DLG2: variants seen among roughly 807,000 people sequenced by gnomAD.
DLG2 encodes discs large MAGUK scaffold protein 2.
DLG2 carries 45 observed loss-of-function variants against 132.5 expected under a neutral mutation model. The observed-to-expected ratio is 0.34, with a 90% CI of 0.27 to 0.44. DLG2 has a LOEUF of 0.44. DLG2 is among the 20% of genes least tolerant of loss of function. The probability of loss-of-function intolerance (pLI) is 1.00; values close to 1 mark genes in which losing one functional copy is unlikely to be tolerated. For missense variants in DLG2, 1,045 were observed against 1,196.9 expected, an observed-to-expected ratio of 0.87 and a Z score of 1.87; for synonymous variants, 424 against 419.6, an observed-to-expected ratio of 1.01 and a Z score of -0.13.
intron 6 of DLG2, among the ~76,000 whole-genome samples, chr11:85,061,699 G>A (rs535708018): frequency 9.2e-5 from 14 of 151,898 alleles, no homozygotes; most frequent in South Asian, 6.2e-4. Context: ...AATTGTGAAC[G>A]ACAAATTCCA....
At chr11:85,138,729 T>G (rs2076276498) in intron 5 of DLG2, among the ~76,000 whole-genome samples, 1 of 150,622 alleles carries the variant, frequency 6.6e-6, no homozygotes, top group Non-Finnish European at 1.5e-5. Flanking sequence ...ATGCTTTTGC[T>G]TCTTCCTCAT....
intron 7 of DLG2, among the ~76,000 whole-genome samples, chr11:84,508,400 CTTTT>C (rs371285075): frequency 7.1e-6 from 1 of 141,086 alleles, no homozygotes; most frequent in Non-Finnish European, 1.5e-5. Context: ...CTTTCTTTAC[CTTTT>C]TTTTTTTTTT....
chr11:85,103,661 G>A (rs185268299), intron 6 of DLG2, among the ~76,000 whole-genome samples: 98 of 151,944 alleles, frequency 6.4e-4, no homozygotes, highest in African/African-American at 2.3e-3. Context: ...GTGACCTTGG[G>A]TTATGCCAAG....
intron 3 of DLG2, among the ~76,000 whole-genome samples, chr11:85,358,360 C>T (rs1257500623): frequency 6.6e-6 from 1 of 152,140 alleles, no homozygotes; most frequent in Non-Finnish European, 1.5e-5. Context: ...TTAAATAACA[C>T]CCTCTACAAG....
At chr11:85,259,330 G>A (rs1293098515) in intron 4 of DLG2, among the ~76,000 whole-genome samples, 1 of 152,066 alleles carries the variant, frequency 6.6e-6, no homozygotes, top group African/African-American at 2.4e-5. Context: ...CACCATGATT[G>A]TAAGTTTCCT....
intron 18 of DLG2, among the ~76,000 whole-genome samples, chr11:83,706,100 C>A (rs1397103618): frequency 2.0e-5 from 3 of 151,976 alleles, no homozygotes. Context: ...TGCCTGTAGT[C>A]CCAGCTACTC....
intron 12 of DLG2, among the ~76,000 whole-genome samples, chr11:83,970,336 C>T (rs35307147): frequency 0.043 from 6,470 of 152,036 alleles, 200 homozygotes; most frequent in Non-Finnish European, 0.067. Flanking sequence ...CTTCAGACCA[C>T]GAGGAAAATT....
At chr11:84,886,584 G>T (rs4301808) in intron 6 of DLG2, among the ~76,000 whole-genome samples, 81,132 of 151,846 alleles carry the variant, frequency 0.53, 22,509 homozygotes, top group African/African-American at 0.67. Context: ...TTGTATATTC[G>T]TTGTGTATAA....
intron 3 of DLG2, among the ~76,000 whole-genome samples, chr11:85,379,315 C>T (rs1282816650): frequency 6.6e-6 from 1 of 152,140 alleles, no homozygotes; most frequent in African/African-American, 2.4e-5. Context: ...GACTTTTAAT[C>T]CTGTCTTTAG....
intron 6 of DLG2, among the ~76,000 whole-genome samples, chr11:84,877,408 T>C (rs950212815): frequency 5.9e-5 from 9 of 152,118 alleles, no homozygotes; most frequent in African/African-American, 2.2e-4. Flanking sequence ...TTAGCTCTTC[T>C]TGTTGCATTG....
chr11:83,723,118 A>G (rs895613057), intron 18 of DLG2, among the ~76,000 whole-genome samples: 1 of 152,126 alleles, frequency 6.6e-6, no homozygotes, highest in Non-Finnish European at 1.5e-5. Flanking sequence ...TGGTGTCTCA[A>G]ACCTGTAATC....
chr11:83,651,226 G>A (rs913728225), intron 18 of DLG2, among the ~76,000 whole-genome samples: 1 of 151,912 alleles, frequency 6.6e-6, no homozygotes, highest in Non-Finnish European at 1.5e-5. Flanking sequence ...CTGAGTTTAG[G>A]TTAAAAAAAA....
intron 18 of DLG2, among the ~76,000 whole-genome samples, chr11:83,731,831 T>A (rs921274004): frequency 3.9e-5 from 6 of 152,214 alleles, no homozygotes; most frequent in African/African-American, 1.4e-4. Flanking sequence ...ATCTCCATTC[T>A]GGCTGCCTGC....
intron 11 of DLG2, among the ~76,000 whole-genome samples, chr11:84,017,003 G>A (rs1376760944): frequency 6.6e-6 from 1 of 152,006 alleles, no homozygotes; most frequent in Admixed American, 6.6e-5. Context: ...AAGATTAGGA[G>A]CCAACCCAGT....
intron 9 of DLG2, among the ~76,000 whole-genome samples, chr11:84,101,511 A>G (rs1006563961): frequency 3.3e-5 from 5 of 151,768 alleles, no homozygotes; most frequent in Non-Finnish European, 5.9e-5. Flanking sequence ...TTCTGCCTTC[A>G]TGGATATTCA....
chr11:83,864,780 A>AGTCTCTG (rs2062012175), intron 16 of DLG2, among the ~76,000 whole-genome samples: 2 of 152,078 alleles, frequency 1.3e-5, no homozygotes, highest in South Asian at 4.2e-4. Context: ...ATCCTGATGG[A>AGTCTCTG]ATTTAAGAGT....
Position 84,784,366 on chromosome 11 carries a change from A to AAATAAATTAATT in DLG2, c.358-249636_358-249635insAATTAATTTATT, listed in dbSNP as rs1555220726. Among the ~76,000 whole-genome samples the AAATAAATTAATT allele has an allele frequency of 3.9e-4, 57 of 147,472 alleles. 1 individual carries two copies. The highest frequency in any genetic ancestry group is 7.1e-3 in the Middle Eastern group (2 of 282). On this transcript the variant is annotated intron_variant, in intron 6 of 27. Transcript: ENST00000376104. ...TAAATAAATAAATAAATAAATAAAT[A>AAATAAATTAATT]AATTAAACAAGAGTATAGAACATAA...
chr11:84,107,814 A>G (rs2093072335), intron 9 of DLG2, among the ~76,000 whole-genome samples: 1 of 152,146 alleles, frequency 6.6e-6, no homozygotes, highest in South Asian at 2.1e-4. Flanking sequence ...CATCAGAGGG[A>G]AAGGTCTAGA....
At chr11:83,800,515 T>G (rs185939506) in intron 17 of DLG2, among the ~76,000 whole-genome samples, 1 of 152,198 alleles carries the variant, frequency 6.6e-6, no homozygotes, top group Non-Finnish European at 1.5e-5. Context: ...GTGGTAATAT[T>G]TCTGACAGTA....
Sources: gnomAD v4.1 joint callset for allele counts (sites outside exome capture counted in the v4.1 genomes callset) on GRCh38, gnomAD v4.1.1 for gene constraint, MANE v1.5 for transcripts, NCBI Gene and HGNC (gene_info 2026-07-23, HGNC 2026-07-21) for gene names.